The following MYO5B variants were observed in gnomAD, a reference collection of about 807,000 sequenced individuals.
MYO5B encodes myosin VB, also known as unconventional myosin-Vb.
A neutral mutation model predicts 229.3 loss-of-function variants in MYO5B; 143 were observed. That is an observed-to-expected ratio of 0.62 (90% CI 0.54 to 0.72). MYO5B has a LOEUF of 0.72. MYO5B is among the 30% of genes least tolerant of loss of function. The pLI is 0.00. For missense variants in MYO5B, 2,321 were observed against 2,331.0 expected, an observed-to-expected ratio of 1.00 and a Z score of 0.09; for synonymous variants, 918 against 885.2, an observed-to-expected ratio of 1.04 and a Z score of -0.66.
chr18:50,052,319 T>C (rs988127397), intron 2 of MYO5B, among the ~76,000 whole-genome samples: 5 of 150,284 alleles, frequency 3.3e-5, no homozygotes, highest in African/African-American at 7.4e-5. Flanking sequence ...TGTCCAACAA[T>C]GATAGACTGG....
chr18:50,034,241 C>T (rs1219492300), intron 4 of MYO5B, among the ~76,000 whole-genome samples: 1 of 152,194 alleles, frequency 6.6e-6, no homozygotes, highest in Non-Finnish European at 1.5e-5. Flanking sequence ...AAAAGCACAA[C>T]AGACAGTTGA....
At position 49,918,080 on chromosome 18, in the gene MYO5B, G is replaced by A. The variant is rs142648282; in HGVS notation, c.2091-5907C>T. Among the ~76,000 whole-genome samples, 951 of 152,308 alleles carry A rather than the reference G, an allele frequency of 6.2e-3. 12 individuals are homozygous for A. Among genetic ancestry groups the A allele is most frequent in the African/African-American group, 0.022 (907 of 41,568 alleles). ...GGCTCAAGGCAGGGAGTGGTAACACGGCTGCTAAGAATGGTGCAGGAAGCG... is the reference window on the plus strand; with the variant it reads ...GGCTCAAGGCAGGGAGTGGTAACACAGCTGCTAAGAATGGTGCAGGAAGCG... On this transcript the variant is annotated intron_variant, in intron 17 of 39. Coordinates refer to ENST00000285039, the MANE Select transcript of MYO5B (RefSeq NM_001080467.3).
intron 1 of MYO5B, among the ~76,000 whole-genome samples, chr18:50,132,009 A>G (rs2032262093): frequency 6.6e-6 from 1 of 152,222 alleles, no homozygotes; most frequent in South Asian, 2.1e-4. Context: ...TTCCCAAACA[A>G]TAATTTGCAG....
chr18:50,047,525 A>G (rs939969261), intron 2 of MYO5B, among the ~76,000 whole-genome samples: 2 of 152,234 alleles, frequency 1.3e-5, no homozygotes, highest in African/African-American at 2.4e-5. Context: ...TGTGGAAGTC[A>G]GTGTGGCGAT....
chr18:49,956,112 T>C (rs2025489684), intron 12 of MYO5B, among the ~76,000 whole-genome samples: 1 of 152,220 alleles, frequency 6.6e-6, no homozygotes, highest in Non-Finnish European at 1.5e-5. Flanking sequence ...ATACATAATT[T>C]TCTGACAAGG....
chr18:50,143,875 C>T (rs915358544), intron 1 of MYO5B, among the ~76,000 whole-genome samples: 2 of 152,140 alleles, frequency 1.3e-5, no homozygotes, highest in Non-Finnish European at 1.5e-5. Context: ...CTGCCCTATT[C>T]GTTGCTCTCA....
chr18:49,908,933 C>G (rs2024928876), intron 18 of MYO5B, among the ~76,000 whole-genome samples: 1 of 152,176 alleles, frequency 6.6e-6, no homozygotes, highest in South Asian at 2.1e-4. Flanking sequence ...ACTTTTCTCC[C>G]CTAAACAACC....
At chr18:49,932,993 C>G (rs573659864) in intron 16 of MYO5B, among the ~76,000 whole-genome samples, 1 of 152,218 alleles carries the variant, frequency 6.6e-6, no homozygotes, top group East Asian at 1.9e-4. Context: ...AGTGCTGAAA[C>G]TGAAGTTCAT....
chr18:50,145,269 C>T (rs1320613444), intron 1 of MYO5B, among the ~76,000 whole-genome samples: 2 of 152,000 alleles, frequency 1.3e-5, no homozygotes, highest in African/African-American at 2.4e-5. Context: ...AGGCAGATCA[C>T]GAGGTCAGGA....
In MYO5B at chr18:49,997,369, C is replaced by CTTTTTTTTTTTTTTTTTTTTTTTTTT. The variant is rs34011258; in HGVS notation, c.612+3885_612+3886insAAAAAAAAAAAAAAAAAAAAAAAAAA. 6.6e-5 allele frequency among the ~76,000 whole-genome samples: 4 copies of CTTTTTTTTTTTTTTTTTTTTTTTTTT among 60,348 alleles called. 1 individual carries two copies. Among genetic ancestry groups the CTTTTTTTTTTTTTTTTTTTTTTTTTT allele is most frequent in the African/African-American group, 2.9e-4 (4 of 14,002 alleles). The allele number at this position is 60,348 out of a possible 152,430, so 39.6% of individuals were successfully genotyped here. On this transcript the variant is annotated intron_variant, in intron 5 of 39. Coordinates refer to ENST00000285039, the MANE Select transcript of MYO5B (RefSeq NM_001080467.3). ...AGCTTCACTCTAGCCTCCTTTCTTT[C>CTTTTTTTTTTTTTTTTTTTTTTTTTT]TTTTTTTTTTTTTTTTTTTTTTTTT...
intron 1 of MYO5B, among the ~76,000 whole-genome samples, chr18:50,187,223 G>A (rs141195316): frequency 2.6e-5 from 4 of 152,300 alleles, no homozygotes; most frequent in Non-Finnish European, 5.9e-5. Context: ...TCTAGTCTCT[G>A]TAATTTCTAC....
chr18:50,040,669 T>G (rs2029986287), intron 2 of MYO5B, among the ~76,000 whole-genome samples: 1 of 152,190 alleles, frequency 6.6e-6, no homozygotes, highest in African/African-American at 2.4e-5. Flanking sequence ...TTATTGCTGG[T>G]ACTTCATACA....
chr18:50,111,922 T>C (rs1346287652), intron 1 of MYO5B, among the ~76,000 whole-genome samples: 1 of 152,144 alleles, frequency 6.6e-6, no homozygotes, highest in Admixed American at 6.5e-5. Context: ...GAGTACCTAC[T>C]ATGTGCCAGG....
Position 49,847,177 on chromosome 18 carries a change from G to A in MYO5B, c.4428C>T (p.Asp1476=), listed in dbSNP as rs576835999. 2.0e-5 allele frequency: 33 copies of A among 1,614,006 alleles called. No individual in the cohort carries two copies. Among genetic ancestry groups the A allele is most frequent in the East Asian group, 6.7e-5 (3 of 44,896 alleles). ...FQGMLEYHKE[D]EALLIRNLVT... is the part of the protein sequence containing the mutation. Reference sequence around the variant, plus strand: ...CCAGGTTCCGGATGAGGAGGGCCTCGTCCTCTTTGTGGTACTCCAGCATGC... The same window carrying A: ...CCAGGTTCCGGATGAGGAGGGCCTCATCCTCTTTGTGGTACTCCAGCATGC... Residue 1476 remains aspartate (D), a synonymous_variant, in exon 33 of 40, where the codon GAC becomes GAT. Transcript: ENST00000285039.
At chr18:49,860,682 T>C (rs961847148) in intron 29 of MYO5B, among the ~76,000 whole-genome samples, 3 of 152,210 alleles carry the variant, frequency 2.0e-5, no homozygotes, top group Non-Finnish European at 2.9e-5. Flanking sequence ...TGACTGGGAA[T>C]GTGATGGAAG....
chr18:50,016,907 A>C, intron 4 of MYO5B, among the ~76,000 whole-genome samples: 1 of 150,304 alleles, frequency 6.7e-6, no homozygotes. Context: ...TCCCTAACTA[A>C]CCCCTAAAGC....
At chr18:50,014,534 A>C (rs1008600180) in intron 4 of MYO5B, among the ~76,000 whole-genome samples, 10 of 152,122 alleles carry the variant, frequency 6.6e-5, no homozygotes, top group African/African-American at 1.9e-4. Context: ...TACAGCCTGC[A>C]ATTTGGTGAC....
At chr18:50,129,347 T>G (rs1269006966) in intron 1 of MYO5B, among the ~76,000 whole-genome samples, 1 of 152,198 alleles carries the variant, frequency 6.6e-6, no homozygotes, top group South Asian at 2.1e-4. Flanking sequence ...CAGACAAGCT[T>G]CTGCCCTATA....
At chr18:49,869,950 A>C (rs1416883108) in intron 27 of MYO5B, among the ~76,000 whole-genome samples, 1 of 152,160 alleles carries the variant, frequency 6.6e-6, no homozygotes, top group Non-Finnish European at 1.5e-5. Context: ...TGATGCCCCG[A>C]AAGTGCTACC....
Sources: gnomAD v4.1 joint callset for allele counts (sites outside exome capture counted in the v4.1 genomes callset) on GRCh38, gnomAD v4.1.1 for gene constraint, MANE v1.5 for transcripts, NCBI Gene and HGNC (gene_info 2026-07-23, HGNC 2026-07-21) for gene names.